TTC27: variants seen among roughly 807,000 people sequenced by gnomAD.
The protein encoded by TTC27 is tetratricopeptide repeat domain 27.
A neutral mutation model predicts 115.9 loss-of-function variants in TTC27; 79 were observed. That is an observed-to-expected ratio of 0.68 (90% CI 0.57 to 0.82). TTC27 has a LOEUF of 0.82. TTC27 is among the 40% of genes least tolerant of loss of function. The probability of loss-of-function intolerance (pLI) is 0.00; values close to 1 mark genes in which losing one functional copy is unlikely to be tolerated. For missense variants in TTC27, 1,054 were observed against 993.1 expected, an observed-to-expected ratio of 1.06 and a Z score of -0.82; for synonymous variants, 401 against 356.0, an observed-to-expected ratio of 1.13 and a Z score of -1.42.
At chr2:32,782,743 C>T (rs1174001539) in intron 15 of TTC27, 65 bp downstream of exon 15, 1 of 1,303,272 alleles carries the variant, frequency 7.7e-7, no homozygotes, top group Admixed American at 1.8e-5. Context: ...TTTTCTACAA[C>T]TGAACATTGT....
chr2:32,718,252 C>G (rs1364153327), intron 10 of TTC27, among the ~76,000 whole-genome samples: 1 of 152,118 alleles, frequency 6.6e-6, no homozygotes, highest in Non-Finnish European at 1.5e-5. Context: ...GTGGAGACCT[C>G]CCAGATCTAT....
chr2:32,812,467 C>G (rs1671346577), intron 17 of TTC27, 37 bp from the exon 18 acceptor site: 1 of 1,444,560 alleles, frequency 6.9e-7, no homozygotes, highest in Admixed American at 1.7e-5. Context: ...GTGAATTCTA[C>G]TTGTTATTCT....
chr2:32,788,853 A>G (rs1299369164), intron 16 of TTC27, among the ~76,000 whole-genome samples: 1 of 151,638 alleles, frequency 6.6e-6, no homozygotes, highest in African/African-American at 2.4e-5. Context: ...TGGCTTTTCT[A>G]TTTGCTCTTA....
chr2:32,727,063 A>G (rs113221909), intron 10 of TTC27, among the ~76,000 whole-genome samples: 5 of 152,354 alleles, frequency 3.3e-5, no homozygotes, highest in African/African-American at 1.2e-4. Flanking sequence ...ACATGTGGGA[A>G]TTCAAGATGA....
chr2:32,630,634 A>G lies in TTC27; in HGVS notation c.200A>G (p.Asp67Gly), dbSNP rs1359618021. 6.2e-7 allele frequency: 1 copy of G among 1,613,986 alleles called. No individual in the cohort carries two copies. Among genetic ancestry groups the G allele is most frequent in the Admixed American group, 1.7e-5 (1 of 59,980 alleles). ...NSTTTAEEKI[D>G]SYLEKQVVTF... ...ACAACAACCGCTGAAGAAAAGATTG[A>G]TAGCTACCTGGAGAAGCAGGTAGTA... The change falls in exon 2 of 20, where the codon GAT becomes GGT. Residue 67 changes from aspartate to glycine, a missense_variant. Coordinates refer to ENST00000317907, the MANE Select transcript of TTC27 (RefSeq NM_017735.5).
chr2:32,766,287 A>G (rs760293919), intron 13 of TTC27, among the ~76,000 whole-genome samples: 2 of 152,200 alleles, frequency 1.3e-5, no homozygotes, highest in African/African-American at 2.4e-5. Flanking sequence ...TGATACATTT[A>G]TCATTTCTTT....
At chr2:32,637,743 T>A (rs1664483146) in intron 3 of TTC27, among the ~76,000 whole-genome samples, 1 of 152,214 alleles carries the variant, frequency 6.6e-6, no homozygotes, top group Non-Finnish European at 1.5e-5. Context: ...CATGATCCGA[T>A]GAGGCTGCAG....
At chr2:32,656,334 G>T (rs1367405507) in intron 5 of TTC27, among the ~76,000 whole-genome samples, 1 of 152,150 alleles carries the variant, frequency 6.6e-6, no homozygotes, top group Non-Finnish European at 1.5e-5. Flanking sequence ...TGAACCGGGA[G>T]GTCAGAGAAA....
intron 11 of TTC27, among the ~76,000 whole-genome samples, chr2:32,734,658 G>T (rs1367901981): frequency 1.3e-5 from 2 of 152,106 alleles, no homozygotes; most frequent in Non-Finnish European, 1.5e-5. Context: ...AATAACTTAA[G>T]ACACCTGACC....
At chr2:32,795,338 G>A (rs1166881168) in intron 16 of TTC27, among the ~76,000 whole-genome samples, 2 of 150,190 alleles carry the variant, frequency 1.3e-5, no homozygotes, top group African/African-American at 2.4e-5. Flanking sequence ...AGAATGAGGG[G>A]AAAAAAAAAT....
intron 16 of TTC27, among the ~76,000 whole-genome samples, chr2:32,800,607 C>G (rs1157642891): frequency 6.6e-6 from 1 of 152,152 alleles, no homozygotes; most frequent in Non-Finnish European, 1.5e-5. Context: ...AAGCAATTCT[C>G]CTGCCTCAGC....
intron 10 of TTC27, among the ~76,000 whole-genome samples, chr2:32,706,269 G>A (rs1443708704): frequency 1.3e-5 from 2 of 150,694 alleles, no homozygotes; most frequent in Non-Finnish European, 3.0e-5. Context: ...TTTTAGTAGA[G>A]ACGGGGTTTC....
At chr2:32,805,929 C>T (rs1360262362) in intron 16 of TTC27, among the ~76,000 whole-genome samples, 1 of 152,136 alleles carries the variant, frequency 6.6e-6, no homozygotes, top group African/African-American at 2.4e-5. Context: ...AACTATGTAT[C>T]CTCCTCTCCA....
At chr2:32,762,244 A>G (rs1191660142) in intron 13 of TTC27, among the ~76,000 whole-genome samples, 1 of 151,490 alleles carries the variant, frequency 6.6e-6, no homozygotes, top group Non-Finnish European at 1.5e-5. Flanking sequence ...GCAGGTGAAG[A>G]GTATGAGCAA....
At chr2:32,639,672 T>C (rs575358195) in intron 3 of TTC27, among the ~76,000 whole-genome samples, 63 of 152,362 alleles carry the variant, frequency 4.1e-4, no homozygotes, top group Admixed American at 2.4e-3. Context: ...ATGATATCTC[T>C]TCAATGCTAG....
intron 10 of TTC27, among the ~76,000 whole-genome samples, chr2:32,711,139 A>G (rs1371037452): frequency 7.1e-6 from 1 of 141,512 alleles, no homozygotes; most frequent in Non-Finnish European, 1.5e-5. Flanking sequence ...AAAAAAAAAA[A>G]GAAGAAGAAG....
At chr2:32,664,537 T>C in intron 6 of TTC27, 70 bp downstream of exon 6, 3 of 1,364,606 alleles carry the variant, frequency 2.2e-6, no homozygotes, top group East Asian at 4.8e-5. Flanking sequence ...GCAGTTTGTA[T>C]TGTATGTTGG....
At chr2:32,743,995 A>G (rs542570691) in intron 12 of TTC27, among the ~76,000 whole-genome samples, 30 of 152,342 alleles carry the variant, frequency 2.0e-4, no homozygotes, top group African/African-American at 6.5e-4. Context: ...AGTTCATCCA[A>G]TGTTTATAGA....
At chr2:32,788,958 GA>G (rs1175720211) in intron 16 of TTC27, among the ~76,000 whole-genome samples, 84 of 152,140 alleles carry the variant, frequency 5.5e-4, no homozygotes, top group African/African-American at 2.0e-3. Context: ...CCGTGTGTCT[GA>G]AACTATCCTA....
Sources: gnomAD v4.1 joint callset for allele counts (sites outside exome capture counted in the v4.1 genomes callset) on GRCh38, gnomAD v4.1.1 for gene constraint, MANE v1.5 for transcripts, NCBI Gene and HGNC (gene_info 2026-07-23, HGNC 2026-07-21) for gene names.